Variants in DMXL2 observed in about 807,000 individuals in gnomAD.
The protein encoded by DMXL2 is Dmx like 2, also known as dmX-like protein 2.
Under a neutral mutation model 331.1 loss-of-function variants are expected in DMXL2, and 103 were observed. That is an observed-to-expected ratio of 0.31 (90% CI 0.27 to 0.37). DMXL2 has a LOEUF of 0.37. Ranked by LOEUF, DMXL2 falls within the 10% of genes least tolerant of loss-of-function variation. The probability of loss-of-function intolerance (pLI) is 1.00; values close to 1 mark genes in which losing one functional copy is unlikely to be tolerated. For missense variants in DMXL2, 3,171 were observed against 3,642.9 expected, an observed-to-expected ratio of 0.87 and a Z score of 3.33; for synonymous variants, 1,281 against 1,252.1, an observed-to-expected ratio of 1.02 and a Z score of -0.49.
At chr15:51,516,303 C>A (rs1473478400) in intron 14 of DMXL2, among the ~76,000 whole-genome samples, 2 of 152,180 alleles carry the variant, frequency 1.3e-5, no homozygotes, top group Non-Finnish European at 2.9e-5. Context: ...AAGGGTTCTC[C>A]TTCTTTCCTA....
chr15:51,480,658 T>C lies in DMXL2; in HGVS notation c.6448A>G (p.Lys2150Glu). ...HAERRKSWLQ[K>E]NQDLLRVFLS... is the part of the protein sequence containing the mutation. ...AATACTCTCAGGAGATCTTGGTTTT[T>C]CTGCAACCACGACTTTCGTCTTTCT... Residue 2150 changes from lysine to glutamate, a missense_variant, in exon 24 of 44, where the codon AAA becomes GAA. By Grantham distance (56) the Lys-to-Glu change is moderately conservative (BLOSUM62 1). Around this residue, in one of 7 missense-constraint regions of DMXL2, gnomAD observed 197 missense variants for 196.2 expected, o/e 1.00. Transcript: ENST00000560891. The C allele has an allele frequency of 6.2e-7, 1 of 1,612,910 alleles. No homozygotes were observed.
intron 1 of DMXL2, among the ~76,000 whole-genome samples, chr15:51,595,158 A>T (rs1242356447): frequency 6.6e-6 from 1 of 152,228 alleles, no homozygotes; most frequent in Non-Finnish European, 1.5e-5. Flanking sequence ...ACATGATTGT[A>T]TATCCAGAAA....
At chr15:51,593,122 A>G (rs2052521107) in intron 1 of DMXL2, among the ~76,000 whole-genome samples, 1 of 152,216 alleles carries the variant, frequency 6.6e-6, no homozygotes, top group African/African-American at 2.4e-5. Flanking sequence ...AGACTGGCAA[A>G]TTGGATAAAG....
intron 20 of DMXL2, among the ~76,000 whole-genome samples, chr15:51,489,020 C>A (rs980175290): frequency 6.6e-6 from 1 of 152,090 alleles, no homozygotes; most frequent in African/African-American, 2.4e-5. Context: ...CCTACAGTCA[C>A]ACAGTAAGGG....
intron 1 of DMXL2, among the ~76,000 whole-genome samples, chr15:51,618,982 A>T (rs1026256284): frequency 6.6e-6 from 1 of 152,204 alleles, no homozygotes; most frequent in Non-Finnish European, 1.5e-5. Flanking sequence ...ATACATCTCA[A>T]AATAGTCTGC....
At chr15:51,471,875 G>C (rs1409954881) in intron 28 of DMXL2, among the ~76,000 whole-genome samples, 1 of 152,200 alleles carries the variant, frequency 6.6e-6, no homozygotes, top group African/African-American at 2.4e-5. Context: ...TGGTAGACAG[G>C]AGTCATGGAG....
intron 29 of DMXL2, 182 bp from the exon 30 acceptor site, chr15:51,466,493 C>T: frequency 5.4e-6 from 1 of 184,008 alleles, no homozygotes; most frequent in Non-Finnish European, 1.1e-5. Flanking sequence ...TTTTCTTTTG[C>T]AGATAATGCT....
chr15:51,522,092 T>C (rs1017343930), intron 13 of DMXL2, among the ~76,000 whole-genome samples: 2 of 152,228 alleles, frequency 1.3e-5, no homozygotes, highest in Non-Finnish European at 2.9e-5. Flanking sequence ...CCAATCTAGA[T>C]ATTCAAAAGC....
At chr15:51,493,662 C>A (rs1313455511) in intron 19 of DMXL2, among the ~76,000 whole-genome samples, 3 of 152,142 alleles carry the variant, frequency 2.0e-5, no homozygotes, top group Non-Finnish European at 4.4e-5. Context: ...GTTTTAACTG[C>A]AGTCAAAGGG....
chr15:51,621,097 A>T (rs2054597668), intron 1 of DMXL2, among the ~76,000 whole-genome samples: 1 of 114,830 alleles, frequency 8.7e-6, no homozygotes, highest in South Asian at 2.7e-4. Context: ...CTCTATCCCC[A>T]AAAACCAAGA....
chr15:51,578,054 T>G (rs1822554664), intron 1 of DMXL2, among the ~76,000 whole-genome samples: 1 of 152,072 alleles, frequency 6.6e-6, no homozygotes, highest in South Asian at 2.1e-4. Context: ...TACAACTAAA[T>G]GACAAACTGC....
intron 39 of DMXL2, 131 bp downstream of exon 39, chr15:51,455,935 A>G: frequency 9.7e-7 from 1 of 1,030,744 alleles, no homozygotes; most frequent in Non-Finnish European, 1.4e-6. Flanking sequence ...GTATGAATAG[A>G]CTCCAACAAA....
rs1375902527 is a variant in DMXL2 at position 51,604,473 on chromosome 15, C to A, written c.87+17986G>T. The stretch of plus-strand genomic sequence containing the variant: ...ATCAGAATTTCTGTGCAGCCATGAA[C>A]AACTGGAAACAATTGGAAAATAAAA... On this transcript the variant is annotated intron_variant, in intron 1 of 43. Coordinates refer to ENST00000560891, the MANE Select transcript of DMXL2 (RefSeq NM_001378457.1). Among the ~76,000 whole-genome samples the A allele has an allele frequency of 2.0e-5, 3 of 149,292 alleles. No individual in the cohort carries two copies. In the East Asian group the frequency reaches 5.8e-4, roughly 29 times the overall value.
In DMXL2 at chr15:51,465,573, T is replaced by C; in HGVS notation, c.7599A>G (p.Glu2533=). The change falls in exon 31 of 44, where the codon GAA becomes GAG. Residue 2533 remains glutamate (E), a synonymous_variant. Transcript: ENST00000560891. ...VKNFFPIAGL[E]FSELPVTSPL... is the part of the protein sequence containing the mutation. ...TTTAAATTCCAAACTCACCAGAGAA[T>C]TCCAGTCCAGCAATAGGAAAGAAAT... 1 of 1,596,372 alleles carries C rather than the reference T, an allele frequency of 6.3e-7. No individual in the cohort carries two copies. Among genetic ancestry groups the C allele is most frequent in the Non-Finnish European group, 8.5e-7 (1 of 1,171,130 alleles).
intron 15 of DMXL2, among the ~76,000 whole-genome samples, chr15:51,508,159 A>T (rs2046525612): frequency 6.6e-6 from 1 of 152,086 alleles, no homozygotes; most frequent in African/African-American, 2.4e-5. Context: ...GGGGAACATA[A>T]CACATCAGGG....
chr15:51,610,511 G>A (rs2053886445), intron 1 of DMXL2, among the ~76,000 whole-genome samples: 1 of 152,184 alleles, frequency 6.6e-6, no homozygotes, highest in South Asian at 2.1e-4. Flanking sequence ...GCTCACGCCT[G>A]TAATCCCAGA....
rs1457171062 is a variant in DMXL2 at position 51,495,044 on chromosome 15, C to T, written c.4763G>A (p.Arg1588Gln). ...CLLTSLPPLYRVQLLHQGVST... is the reference protein window; with the variant it reads ...CLLTSLPPLYQVQLLHQGVST... ...ATTACCTTGATGAAGTAGCTGCACT[C>T]GGTATAAAGGAGGCAGCGATGTCAA... The change falls in exon 19 of 44, where the codon CGA (arginine) becomes CAA (glutamine). Residue 1588 changes from arginine (R) to glutamine (Q), a missense_variant. Coordinates refer to ENST00000560891, the MANE Select transcript of DMXL2 (RefSeq NM_001378457.1). 7 of 1,612,090 alleles carry T rather than the reference C, an allele frequency of 4.3e-6. No homozygotes were observed. The highest frequency in any genetic ancestry group is 1.7e-5 in the Admixed American group (1 of 59,836).
chr15:51,562,341 G>A (rs1391865398), intron 6 of DMXL2, among the ~76,000 whole-genome samples: 3 of 152,034 alleles, frequency 2.0e-5, no homozygotes, highest in South Asian at 2.1e-4. Context: ...TTTCAGACAC[G>A]TAAGGCCTGA....
At chr15:51,560,169 T>A (rs2049863208) in intron 6 of DMXL2, among the ~76,000 whole-genome samples, 1 of 152,158 alleles carries the variant, frequency 6.6e-6, no homozygotes, top group Non-Finnish European at 1.5e-5. Flanking sequence ...TTTTATAGCA[T>A]CACAGTAAGA....
Sources: gnomAD v4.1 joint callset for allele counts (sites outside exome capture counted in the v4.1 genomes callset) on GRCh38, gnomAD v4.1.1 for gene constraint, gnomAD v4.1.1 regional missense constraint, MANE v1.5 for transcripts, NCBI Gene and HGNC (gene_info 2026-07-23, HGNC 2026-07-21) for gene names.